GALNT4: variants seen among roughly 807,000 people sequenced by gnomAD.
GALNT4 encodes polypeptide N-acetylgalactosaminyltransferase 4.
A neutral mutation model predicts 45.1 loss-of-function variants in GALNT4; 23 were observed. That is an observed-to-expected ratio of 0.51 (90% CI 0.37 to 0.72). GALNT4 has a LOEUF of 0.72. GALNT4 is among the 30% of genes least tolerant of loss of function. The pLI is 0.00. For missense variants in GALNT4, 757 were observed against 709.0 expected, an observed-to-expected ratio of 1.07 and a Z score of -0.77; for synonymous variants, 264 against 257.6, an observed-to-expected ratio of 1.02 and a Z score of -0.24.
rs1870967454 is a variant in GALNT4 at position 89,522,476 on chromosome 12, C to CA, written c.*336dup. On this transcript the variant is annotated 3_prime_UTR_variant, in exon 1 of 1. Transcript: ENST00000529983. ...TTACACATCAACATAAATCATACCT[C>CA]ATTTTACTTGGACCTTTACATTCTT... The CA allele has an allele frequency of 2.9e-6, 1 of 349,958 alleles. No individual in the cohort carries two copies. Among genetic ancestry groups the CA allele is most frequent in the Non-Finnish European group, 5.1e-6 (1 of 197,510 alleles). 21.7% of individuals were successfully genotyped at this position (349,958 alleles called of 1,614,324 possible).
chr12:89,523,110 T>G lies in GALNT4; in HGVS notation c.1440A>C (p.Gln480His). ...ANLSLFGCHGQGGNQFFEYTS... is the reference protein window; with the variant it reads ...ANLSLFGCHGHGGNQFFEYTS... ...TATATTCAAAGAATTGATTGCCTCCTTGACCATGGCATCCAAACAGTGAAA... is the reference window on the plus strand; with the variant it reads ...TATATTCAAAGAATTGATTGCCTCCGTGACCATGGCATCCAAACAGTGAAA... Residue 480 changes from glutamine (Q) to histidine (H), a missense_variant, in exon 1 of 1, where the codon CAA becomes CAC. Transcript: ENST00000529983. 1.9e-6 allele frequency: 3 copies of G among 1,613,960 alleles called. No homozygotes were observed. The highest frequency in any genetic ancestry group is 2.5e-6 in the Non-Finnish European group (3 of 1,179,814).
At position 89,522,898 on chromosome 12, in the gene GALNT4, T is replaced by A. The variant is rs1327932703; in HGVS notation, c.1652A>T (p.Tyr551Phe). ...HPHSGLCLSA[Y>F]RTPEGRPDVQ... ...ATCAGGTCGGCCCTCCGGTGTCCGA[T>A]AAGCACTAAGACACAGTCCTGAGTG... The change falls in exon 1 of 1, where the codon TAT becomes TTT. Residue 551 changes from tyrosine to phenylalanine, a missense_variant. By Grantham distance (22) the Tyr-to-Phe change is conservative. Transcript: ENST00000529983. The A allele has an allele frequency of 1.2e-6, 2 of 1,613,726 alleles. No homozygotes were observed. Among genetic ancestry groups the A allele is most frequent in the East Asian group, 4.5e-5 (2 of 44,900 alleles).
In GALNT4 at chr12:89,524,102, T is replaced by C; in HGVS notation, c.448A>G (p.Thr150Ala). ...ACACTGTGAATGGTACGGAGCAAAG[T>C]CGACCAGGCTTCGTTATAGAAAGCA... ...IIAFYNEAWS[T>A]LLRTIHSVLE... The change falls in exon 1 of 1, where the codon ACT (threonine) becomes GCT (alanine). Residue 150 changes from threonine to alanine, a missense_variant. Physicochemically the swap from Thr to Ala is moderately conservative, Grantham distance 58. Coordinates refer to ENST00000529983, the MANE Select transcript of GALNT4 (RefSeq NM_003774.5). 6.2e-7 allele frequency: 1 copy of C among 1,613,964 alleles called. No homozygotes were observed. Among genetic ancestry groups the C allele is most frequent in the East Asian group, 2.2e-5 (1 of 44,890 alleles).
Position 89,522,118 on chromosome 12 carries a change from T to A in GALNT4, c.*695A>T. 1 of 398,992 alleles carries A rather than the reference T, an allele frequency of 2.5e-6. No homozygotes were observed. 24.7% of individuals were successfully genotyped at this position (398,992 alleles called of 1,614,324 possible). A position where few individuals can be genotyped will look rare whatever the true frequency, so the allele number is the denominator to read the frequency against. ...ATCAGAGGAATCTGAGGTATTAATA[T>A]ATACATCAGTGAAGTCCAATAGCTC... is the stretch of plus-strand genomic sequence containing the variant. On this transcript the variant is annotated 3_prime_UTR_variant, in exon 1 of 1. Transcript: ENST00000529983.
In GALNT4 at chr12:89,523,600, C is replaced by T. The variant is rs759366408; in HGVS notation, c.950G>A (p.Ser317Asn). The change falls in exon 1 of 1, where the codon AGC becomes AAC. Residue 317 changes from serine to asparagine, a missense_variant. Ser to Asn is a conservative substitution (Grantham distance 46, BLOSUM62 1). Coordinates refer to ENST00000529983, the MANE Select transcript of GALNT4 (RefSeq NM_003774.5). ...TCCAAGGTACTGAAAATATTTCTTGCTGACAGCAAACAGTCCTCCAGCCAT... is the reference window on the plus strand; with the variant it reads ...TCCAAGGTACTGAAAATATTTCTTGTTGACAGCAAACAGTCCTCCAGCCAT... Reference protein sequence around the residue: ...PTMAGGLFAVSKKYFQYLGTY... With the variant: ...PTMAGGLFAVNKKYFQYLGTY... 1 of 1,563,188 alleles carries T rather than the reference C, an allele frequency of 6.4e-7. No individual in the cohort carries two copies. The highest frequency in any genetic ancestry group is 8.6e-7 in the Non-Finnish European group (1 of 1,159,512).
Position 89,523,301 on chromosome 12 carries a change from C to T in GALNT4, c.1249G>A (p.Glu417Lys), listed in dbSNP as rs1592652517. 6.2e-7 allele frequency: 1 copy of T among 1,614,060 alleles called. No homozygotes were observed. Among genetic ancestry groups the T allele is most frequent in the Non-Finnish European group, 8.5e-7 (1 of 1,179,906 alleles). The change falls in exon 1 of 1, where the codon GAG becomes AAG. Residue 417 changes from glutamate (E) to lysine (K), a missense_variant. By Grantham distance (56) the Glu-to-Lys change is moderately conservative (BLOSUM62 1). Coordinates refer to ENST00000529983, the MANE Select transcript of GALNT4 (RefSeq NM_003774.5). The stretch of plus-strand genomic sequence containing the variant: ...TCAAAGCTCTTGCATCTCAACCGCT[C>T]TCGTAGTAATTTTCTTTCAGAAATA... ...GDISERKLLR[E>K]RLRCKSFDWY...
In GALNT4 at chr12:89,524,432, G is replaced by C; in HGVS notation, c.118C>G (p.Arg40Gly). The change falls in exon 1 of 1, where the codon CGT becomes GGT. Residue 40 changes from arginine to glycine, a missense_variant. Arg to Gly is a moderately radical substitution (Grantham distance 125). Transcript: ENST00000529983. Reference protein sequence around the residue: ...STFHASAGAGRARELGSRRLS... With the variant: ...STFHASAGAGGARELGSRRLS... ...CTTCTTGACCCCAGCTCCCTGGCAC[G>C]GCCGGCTCCTGCGGAGGCATGAAAA... 1 of 1,613,920 alleles carries C rather than the reference G, an allele frequency of 6.2e-7. No homozygotes were observed. The highest frequency in any genetic ancestry group is 1.1e-5 in the South Asian group (1 of 91,086).
rs1871207814 is a variant in GALNT4 at position 89,524,245 on chromosome 12, A to T, written c.305T>A (p.Ile102Asn). Reference protein sequence around the residue: ...QQEELIERYAINIYLSDRISL... With the variant: ...QQEELIERYANNIYLSDRISL... Reference sequence around the variant, plus strand: ...AATCCTGTCACTGAGGTAAATATTGATGGCGTATCTCTCAATGAGTTCTTC... The same window carrying T: ...AATCCTGTCACTGAGGTAAATATTGTTGGCGTATCTCTCAATGAGTTCTTC... The change falls in exon 1 of 1, where the codon ATC becomes AAC. Residue 102 changes from isoleucine (I) to asparagine (N), a missense_variant. Coordinates refer to ENST00000529983, the MANE Select transcript of GALNT4 (RefSeq NM_003774.5). The T allele has an allele frequency of 6.2e-7, 1 of 1,613,818 alleles. No homozygotes were observed. Among genetic ancestry groups the T allele is most frequent in the Non-Finnish European group, 8.5e-7 (1 of 1,179,882 alleles).
chr12:89,524,461 G>C lies in GALNT4; in HGVS notation c.89C>G (p.Ser30Cys). Residue 30 changes from serine (S) to cysteine (C), a missense_variant, in exon 1 of 1, where the codon TCT becomes TGT. Transcript: ENST00000529983. ...VAYIFVELLV[S>C]TFHASAGAGR... ...GGCTCCTGCGGAGGCATGAAAAGTA[G>C]AGACCAAGAGCTCCACGAAGATATA... 6.2e-7 allele frequency: 1 copy of C among 1,613,752 alleles called. No homozygotes were observed. The highest frequency in any genetic ancestry group is 8.5e-7 in the Non-Finnish European group (1 of 1,179,894).
Position 89,520,792 on chromosome 12 carries a change from G to A in GALNT4, c.*2021C>T, listed in dbSNP as rs895334170. ...CTCGTGAATACAGTGGACTCTTTAC[G>A]AGGCATGCATTTTTCATAAATCTAG... On this transcript the variant is annotated 3_prime_UTR_variant, in exon 1 of 1. Coordinates refer to ENST00000529983, the MANE Select transcript of GALNT4 (RefSeq NM_003774.5). The A allele has an allele frequency of 6.6e-6, 1 of 152,100 alleles. No homozygotes were observed. The highest frequency in any genetic ancestry group is 1.5e-5 in the Non-Finnish European group (1 of 68,024). The allele number at this position is 152,100 out of a possible 1,614,324, so 9.4% of individuals were successfully genotyped here.
rs367683450 is a variant in GALNT4 at position 89,524,260 on chromosome 12, A to G, written c.290T>C (p.Ile97Thr). Reference protein sequence around the residue: ...EDELKQQEELIERYAINIYLS... With the variant: ...EDELKQQEELTERYAINIYLS... The stretch of plus-strand genomic sequence containing the variant: ...GTAAATATTGATGGCGTATCTCTCA[A>G]TGAGTTCTTCTTGCTGCTTCAGTTC... Residue 97 changes from isoleucine to threonine, a missense_variant, in exon 1 of 1, where the codon ATT becomes ACT. Transcript: ENST00000529983. 6.8e-6 allele frequency: 11 copies of G among 1,613,862 alleles called. No individual in the cohort carries two copies. The highest frequency in any genetic ancestry group is 6.7e-5 in the African/African-American group (5 of 74,904).
chr12:89,521,024 G>A lies in GALNT4; in HGVS notation c.*1789C>T, dbSNP rs1187647422. On this transcript the variant is annotated 3_prime_UTR_variant, in exon 1 of 1. Transcript: ENST00000529983. ...AAATTGGTTCAACAATTATCAAAAC[G>A]AAACGACTATGAACACTGACTAGAA... The A allele has an allele frequency of 1.3e-5, 2 of 151,160 alleles. No individual in the cohort carries two copies. The highest frequency in any genetic ancestry group is 2.4e-5 in the African/African-American group (1 of 41,214). 9.4% of individuals were successfully genotyped at this position (151,160 alleles called of 1,614,324 possible).
At position 89,524,145 on chromosome 12, in the gene GALNT4, A is replaced by C. The variant is rs781059300; in HGVS notation, c.405T>G (p.Pro135=). The C allele has an allele frequency of 7.4e-6, 12 of 1,614,030 alleles. No homozygotes were observed. In the South Asian group the frequency reaches 1.3e-4, roughly 18 times the overall value. The change falls in exon 1 of 1, where the codon CCT becomes CCG. Residue 135 remains proline, a synonymous_variant. Coordinates refer to ENST00000529983, the MANE Select transcript of GALNT4 (RefSeq NM_003774.5). ...KSQKFNYRTL[P]TTSVIIAFYN... ...AGAAAGCAATGATAACAGAGGTGGT[A>C]GGAAGTGTCCTATAGTTGAACTTCT...
Position 89,523,717 on chromosome 12 carries a change from A to G in GALNT4, c.833T>C (p.Phe278Ser), listed in dbSNP as rs2135780830. The change falls in exon 1 of 1, where the codon TTT (phenylalanine) becomes TCT (serine). Residue 278 changes from phenylalanine (F) to serine (S), a missense_variant. Coordinates refer to ENST00000529983, the MANE Select transcript of GALNT4 (RefSeq NM_003774.5). ...CCACTGAAATGTTAAACGCCAGTCA[A>G]ACCCACCAATCATGGGCTCCCCTAT... ...MQIGEPMIGG[F>S]DWRLTFQWHS... The G allele has an allele frequency of 6.5e-7, 1 of 1,548,068 alleles. No individual in the cohort carries two copies. The highest frequency in any genetic ancestry group is 2.2e-5 in the East Asian group (1 of 44,638).
At position 89,519,658 on chromosome 12, in the gene GALNT4, A is replaced by G. The variant is rs1870681739; in HGVS notation, c.*3155T>C. ...GACCCTAAACCAACTAAGACTATAC[A>G]ACTTAAAAATAAGCTGTCTTCATCC... On this transcript the variant is annotated 3_prime_UTR_variant, in exon 1 of 1. Transcript: ENST00000529983. The G allele has an allele frequency of 6.6e-6, 1 of 152,556 alleles. No homozygotes were observed. Among genetic ancestry groups the G allele is most frequent in the Non-Finnish European group, 1.5e-5 (1 of 68,028 alleles). The allele number at this position is 152,556 out of a possible 1,614,324, so 9.5% of individuals were successfully genotyped here.
chr12:89,524,518 C>A lies in GALNT4; in HGVS notation c.32G>T (p.Ser11Ile). ...TGTTAAAAACGCCAGCAGCAGGCAG[C>A]TCTTGCCTGCCCAAGTCCACCTCAC... MAVRWTWAGKSCLLLAFLTVA... is the reference protein window; with the variant it reads MAVRWTWAGKICLLLAFLTVA... The change falls in exon 1 of 1, where the codon AGC becomes ATC. Residue 11 changes from serine (S) to isoleucine (I), a missense_variant. Ser to Ile is a moderately radical substitution (Grantham distance 142). Coordinates refer to ENST00000529983, the MANE Select transcript of GALNT4 (RefSeq NM_003774.5). 1 of 1,611,958 alleles carries A rather than the reference C, an allele frequency of 6.2e-7. No homozygotes were observed. The highest frequency in any genetic ancestry group is 8.5e-7 in the Non-Finnish European group (1 of 1,179,878).
rs1164499578 is a variant in GALNT4 at position 89,523,014 on chromosome 12, A to G, written c.1536T>C (p.Tyr512=). 1 of 1,613,928 alleles carries G rather than the reference A, an allele frequency of 6.2e-7. No homozygotes were observed. The highest frequency in any genetic ancestry group is 1.7e-5 in the Admixed American group (1 of 60,006). ...CTTTGGGACAATTTTGCATTCCCAC[A>G]TAATTTTTTTGCTCAGGTACCTCTG... The part of the protein sequence containing the change: ...LCAEVPEQKN[Y]VGMQNCPKDG... The change falls in exon 1 of 1, where the codon TAT becomes TAC. Residue 512 remains tyrosine (Y), a synonymous_variant. Transcript: ENST00000529983.
chr12:89,519,691 G>A lies in GALNT4; in HGVS notation c.*3122C>T, dbSNP rs564216883. Reference sequence around the variant, plus strand: ...AATAAGCTGTCTTCATCCTAGAAAAGTTTGATTTGCCATCTTATAATGAAT... The same window carrying A: ...AATAAGCTGTCTTCATCCTAGAAAAATTTGATTTGCCATCTTATAATGAAT... On this transcript the variant is annotated 3_prime_UTR_variant, in exon 1 of 1. Coordinates refer to ENST00000529983, the MANE Select transcript of GALNT4 (RefSeq NM_003774.5). The A allele has an allele frequency of 6.6e-6, 1 of 152,634 alleles. No homozygotes were observed. Among genetic ancestry groups the A allele is most frequent in the African/African-American group, 2.4e-5 (1 of 41,524 alleles). The allele number at this position is 152,634 out of a possible 1,614,324, so 9.5% of individuals were successfully genotyped here. A position where few individuals can be genotyped will look rare whatever the true frequency, so the allele number is the denominator to read the frequency against.
At position 89,523,925 on chromosome 12, in the gene GALNT4, T is replaced by G; in HGVS notation, c.625A>C (p.Arg209=). The change falls in exon 1 of 1, where the codon AGG becomes CGG. Residue 209 remains arginine (R), a synonymous_variant. Coordinates refer to ENST00000529983, the MANE Select transcript of GALNT4 (RefSeq NM_003774.5). ...AAAGTGGCCCCAATCAGACGGGCCC[T>G]AACCAGCCCCTCTCGCTTATTGGTC... ...IRTNKREGLV[R]ARLIGATFAT... 6.2e-7 allele frequency: 1 copy of G among 1,610,234 alleles called. No individual in the cohort carries two copies. Among genetic ancestry groups the G allele is most frequent in the Non-Finnish European group, 8.5e-7 (1 of 1,178,250 alleles).
Sources: allele counts gnomAD v4.1 joint callset, GRCh38; gene constraint gnomAD v4.1.1; transcripts MANE v1.5; gene names NCBI Gene and HGNC (gene_info 2026-07-23, HGNC 2026-07-21).